The following RAB3C variants were observed in gnomAD, a reference collection of about 807,000 sequenced individuals.
RAB3C encodes the protein RAB3C, member RAS oncogene family.
Under a neutral mutation model 26.4 loss-of-function variants are expected in RAB3C, and 17 were observed. That is an observed-to-expected ratio of 0.64 (90% CI 0.44 to 0.97). The LOEUF (loss-of-function observed/expected upper bound fraction) is 0.97, where lower values mean the gene tolerates loss of function less well. Ranked by LOEUF, RAB3C falls within the 50% of genes least tolerant of loss-of-function variation. The probability of loss-of-function intolerance (pLI) is 0.00; values close to 1 mark genes in which losing one functional copy is unlikely to be tolerated. For missense variants in RAB3C, 242 were observed against 281.9 expected (o/e 0.86, Z 1.01); for synonymous variants, 91 against 95.9 (o/e 0.95, Z 0.30).
intron 4 of RAB3C, among the ~76,000 whole-genome samples, chr5:58,845,612 A>ATATATATATATATATATATATGTGTG: frequency 1.3e-4 from 11 of 81,720 alleles, no homozygotes; most frequent in African/African-American, 5.2e-4. Context: ...ATATATATAT[A>ATATATATATATATATATATATGTGTG]TGTGTGTGTG....
intron 3 of RAB3C, among the ~76,000 whole-genome samples, chr5:58,769,853 G>A (rs1741995127): frequency 6.6e-6 from 1 of 152,132 alleles, no homozygotes; most frequent in South Asian, 2.1e-4. Flanking sequence ...AAAATATGAA[G>A]CTCTGAAGAG....
At chr5:58,823,404 G>T (rs764059325) in intron 3 of RAB3C, 1 of 168,714 alleles carries the variant, frequency 5.9e-6, no homozygotes, top group Non-Finnish European at 1.3e-5. Context: ...TGCACCTGTT[G>T]TTCCAGCTAC....
chr5:58,783,197 G>C (rs867159083), intron 3 of RAB3C, among the ~76,000 whole-genome samples: 2 of 152,060 alleles, frequency 1.3e-5, no homozygotes, highest in Non-Finnish European at 1.5e-5. Flanking sequence ...AAGCACAAAT[G>C]CTCCCCAATC....
In RAB3C at chr5:58,710,104, C is replaced by A. The variant is rs148677033; in HGVS notation, c.253-15898C>A. ...GCTTAATATTTTTTACCAAGTTAACCACTTGTGAGACAGTACTGGCCCACT... is the reference window on the plus strand; with the variant it reads ...GCTTAATATTTTTTACCAAGTTAACAACTTGTGAGACAGTACTGGCCCACT... On this transcript the variant is annotated intron_variant, in intron 2 of 4. Coordinates refer to ENST00000282878, the MANE Select transcript of RAB3C (RefSeq NM_138453.4). Among the ~76,000 whole-genome samples, 411 of 152,224 alleles carry A rather than the reference C, an allele frequency of 2.7e-3. 1 individual carries two copies. Among genetic ancestry groups the A allele is most frequent in the African/African-American group, 9.4e-3 (389 of 41,542 alleles).
chr5:58,629,021 C>A (rs534343158), intron 2 of RAB3C, among the ~76,000 whole-genome samples: 2 of 88,222 alleles, frequency 2.3e-5, no homozygotes, highest in Admixed American at 3.6e-4. Flanking sequence ...TGAGACCTCA[C>A]TTCTGGAAAA....
intron 3 of RAB3C, among the ~76,000 whole-genome samples, chr5:58,797,790 A>G (rs974072544): frequency 3.3e-5 from 5 of 152,176 alleles, no homozygotes; most frequent in South Asian, 2.1e-4. Flanking sequence ...TGGAAATTCT[A>G]TGGTCAAGGT....
chr5:58,632,168 C>A (rs976335752), intron 2 of RAB3C, among the ~76,000 whole-genome samples: 28 of 152,170 alleles, frequency 1.8e-4, no homozygotes, highest in African/African-American at 4.8e-4. Context: ...TGAAAGCAAC[C>A]AGACAAAGAA....
At position 58,583,628 on chromosome 5, in the gene RAB3C, C is replaced by T. The variant is rs76284815; in HGVS notation, c.24+396C>T. Among the ~76,000 whole-genome samples the T allele has an allele frequency of 5.1e-3, 776 of 152,262 alleles. 4 individuals carry two copies. The highest frequency in any genetic ancestry group is 0.017 in the African/African-American group (726 of 41,546). ...GATAGATCAGATTCGGGGTTGAAGGCTCCCCACTGGAGTCGGCATAGAGCG... is the reference window on the plus strand; with the variant it reads ...GATAGATCAGATTCGGGGTTGAAGGTTCCCCACTGGAGTCGGCATAGAGCG... On this transcript the variant is annotated intron_variant, in intron 1 of 4. Transcript: ENST00000282878.
chr5:58,732,954 A>G (rs1445886784), intron 3 of RAB3C, among the ~76,000 whole-genome samples: 1 of 152,122 alleles, frequency 6.6e-6, no homozygotes, highest in Non-Finnish European at 1.5e-5. Flanking sequence ...GATCAAGCTA[A>G]TTTATTGTCA....
intron 2 of RAB3C, among the ~76,000 whole-genome samples, chr5:58,661,453 C>T (rs1747904637): frequency 6.7e-6 from 1 of 149,768 alleles, no homozygotes; most frequent in African/African-American, 2.5e-5. Flanking sequence ...TAAAGATATT[C>T]TTTGTTTACA....
chr5:58,717,263 T>A (rs1749191917), intron 2 of RAB3C, among the ~76,000 whole-genome samples: 1 of 152,152 alleles, frequency 6.6e-6, no homozygotes, highest in Non-Finnish European at 1.5e-5. Flanking sequence ...CGACTGGTAG[T>A]ACAATCAAAA....
At chr5:58,624,698 A>G (rs2111735736) in intron 2 of RAB3C, among the ~76,000 whole-genome samples, 1 of 152,326 alleles carries the variant, frequency 6.6e-6, no homozygotes, top group Non-Finnish European at 1.5e-5. Context: ...AACTAGTACC[A>G]AAGAGCAATG....
At chr5:58,661,379 A>C (rs183174358) in intron 2 of RAB3C, among the ~76,000 whole-genome samples, 1 of 150,138 alleles carries the variant, frequency 6.7e-6, no homozygotes, top group African/African-American at 2.5e-5. Flanking sequence ...TATGCCATTC[A>C]TAGCAGACAG....
chr5:58,738,908 C>G (rs566213151), intron 3 of RAB3C, among the ~76,000 whole-genome samples: 147 of 152,194 alleles, frequency 9.7e-4, no homozygotes, highest in Admixed American at 2.1e-3. Flanking sequence ...AAATTAGTTA[C>G]TTGCCTTTGA....
chr5:58,793,456 C>G (rs1320453315), intron 3 of RAB3C, among the ~76,000 whole-genome samples: 2 of 150,312 alleles, frequency 1.3e-5, no homozygotes, highest in African/African-American at 4.9e-5. Flanking sequence ...ACTCAGGAGG[C>G]TGAGGCAGGA....
chr5:58,767,084 T>G lies in RAB3C; in HGVS notation c.371+40964T>G, dbSNP rs373185877. On this transcript the variant is annotated intron_variant, in intron 3 of 4. Coordinates refer to ENST00000282878, the MANE Select transcript of RAB3C (RefSeq NM_138453.4). Reference sequence around the variant, plus strand: ...AATCATCACCCTGTGGACAGATCAGTGCCAGTACATGTGGTCTGGCACCCA... The same window carrying G: ...AATCATCACCCTGTGGACAGATCAGGGCCAGTACATGTGGTCTGGCACCCA... Among the ~76,000 whole-genome samples the G allele has an allele frequency of 3.3e-4, 51 of 152,282 alleles. No homozygotes were observed. In the South Asian group the frequency reaches 9.1e-3, roughly 27 times the overall value.
intron 2 of RAB3C, among the ~76,000 whole-genome samples, chr5:58,691,566 C>T (rs1392047878): frequency 6.6e-6 from 1 of 150,496 alleles, no homozygotes; most frequent in African/African-American, 2.5e-5. Flanking sequence ...AATTACCAGG[C>T]ATAATAGACT....
At chr5:58,716,939 G>T (rs1435829522) in intron 2 of RAB3C, among the ~76,000 whole-genome samples, 1 of 151,980 alleles carries the variant, frequency 6.6e-6, no homozygotes, top group Non-Finnish European at 1.5e-5. Context: ...CACCATGAGG[G>T]AACCCTAATG....
chr5:58,740,510 G>C lies in RAB3C; in HGVS notation c.371+14390G>C, dbSNP rs1011828161. ...ACTGTTATGTCAACTTGTTTGTATT[G>C]ACTATTTTGATTATAAAATAAAATA... On this transcript the variant is annotated intron_variant, in intron 3 of 4. Coordinates refer to ENST00000282878, the MANE Select transcript of RAB3C (RefSeq NM_138453.4). Among the ~76,000 whole-genome samples the C allele has an allele frequency of 3.3e-5, 5 of 152,194 alleles. No individual in the cohort carries two copies. In the East Asian group the frequency reaches 9.7e-4, roughly 29 times the overall value.
Sources: gnomAD v4.1 joint callset for allele counts (sites outside exome capture counted in the v4.1 genomes callset) on GRCh38, gnomAD v4.1.1 for gene constraint, MANE v1.5 for transcripts, NCBI Gene and HGNC (gene_info 2026-07-23, HGNC 2026-07-21) for gene names.